Variants in TXNRD1 observed in about 807,000 individuals in gnomAD.
TXNRD1 encodes thioredoxin reductase 1, also known as thioredoxin reductase 1, cytoplasmic.
Under a neutral mutation model 80.3 loss-of-function variants are expected in TXNRD1, and 57 were observed. That is an observed-to-expected ratio of 0.71 (90% confidence interval 0.57 to 0.89). The LOEUF (loss-of-function observed/expected upper bound fraction) is 0.89, where lower values mean the gene tolerates loss of function less well. Among genes scored for constraint, TXNRD1 ranks in the 40% least tolerant of loss-of-function variants. The probability of loss-of-function intolerance (pLI) is 0.00; values close to 1 mark genes in which losing one functional copy is unlikely to be tolerated. For synonymous variants in TXNRD1, 291 were observed against 285.2 expected, an observed-to-expected ratio of 1.02 and a Z score of -0.20; for missense variants, 730 against 803.0, an observed-to-expected ratio of 0.91 and a Z score of 1.10.
chr12:104,297,452 G>A (rs778174836), intron 4 of TXNRD1, among the ~76,000 whole-genome samples: 5 of 151,652 alleles, frequency 3.3e-5, no homozygotes, highest in Non-Finnish European at 7.4e-5. Flanking sequence ...TGCAATCTCC[G>A]CCTCCTGAGT....
intron 5 of TXNRD1, 82 bp from the exon 6 acceptor site, chr12:104,313,159 TAAAA>T: frequency 9.3e-7 from 1 of 1,074,424 alleles, no homozygotes; most frequent in Non-Finnish European, 1.4e-6. Context: ...CTCTATAGCT[TAAAA>T]AAAAATCATG....
rs556291324 is a variant in TXNRD1 at position 104,308,779 on chromosome 12, T to C, written c.415-2511T>C. On this transcript the variant is annotated intron_variant, in intron 4 of 16. Coordinates refer to ENST00000525566, the MANE Select transcript of TXNRD1 (RefSeq NM_001093771.3). Reference sequence around the variant, plus strand: ...CATCTCTGTGCTACCTTCTACTGTTTGGGGCAGCTGTTTTCTACTGTCTGT... The same window carrying C: ...CATCTCTGTGCTACCTTCTACTGTTCGGGGCAGCTGTTTTCTACTGTCTGT... Among the ~76,000 whole-genome samples the C allele has an allele frequency of 1.3e-4, 20 of 152,310 alleles. No individual in the cohort carries two copies. The East Asian group carries it at 3.7e-3, about 28-fold the overall frequency.
At chr12:104,289,202 A>G in intron 4 of TXNRD1, 162 bp downstream of exon 4, 1 of 694,592 alleles carries the variant, frequency 1.4e-6, no homozygotes, top group South Asian at 2.8e-5. Flanking sequence ...GTGTTAATCG[A>G]AGTTGATGAG....
intron 10 of TXNRD1, among the ~76,000 whole-genome samples, chr12:104,323,299 G>A (rs1225465892): frequency 4.0e-5 from 6 of 149,108 alleles, no homozygotes; most frequent in Non-Finnish European, 6.0e-5. Context: ...ATCCTGGCCC[G>A]TTCTCAATGA....
chr12:104,312,973 A>G (rs2035191680), intron 5 of TXNRD1, among the ~76,000 whole-genome samples: 1 of 152,112 alleles, frequency 6.6e-6, no homozygotes. Flanking sequence ...GAGTGGAATT[A>G]TGTGAGAGAA....
intron 15 of TXNRD1, among the ~76,000 whole-genome samples, chr12:104,335,547 C>T (rs989452942): frequency 6.6e-6 from 1 of 152,108 alleles, no homozygotes; most frequent in Admixed American, 6.6e-5. Flanking sequence ...TGTGAGCAAA[C>T]TCTATACCTC....
chr12:104,261,062 C>G (rs2033357171), intron 3 of TXNRD1, among the ~76,000 whole-genome samples: 1 of 151,652 alleles, frequency 6.6e-6, no homozygotes, highest in African/African-American at 2.4e-5. Context: ...TGATTTAATA[C>G]ATGTATGAAC....
intron 4 of TXNRD1, among the ~76,000 whole-genome samples, chr12:104,299,220 C>CAGTA (rs958820156): frequency 6.6e-6 from 1 of 151,984 alleles, no homozygotes; most frequent in Non-Finnish European, 1.5e-5. Flanking sequence ...GGGTCAACTG[C>CAGTA]AGTAGTATTC....
intron 1 of TXNRD1, among the ~76,000 whole-genome samples, chr12:104,250,010 T>C (rs1266837453): frequency 1.3e-5 from 2 of 151,692 alleles, no homozygotes; most frequent in Non-Finnish European, 2.9e-5. Context: ...TAATAAACAT[T>C]TTGGGGATTT....
Position 104,290,753 on chromosome 12 carries a change from A to ATATATATATATATG in TXNRD1, c.414+1718_414+1719insATATATATGTATAT, listed in dbSNP as rs1315195074. On this transcript the variant is annotated intron_variant, in intron 4 of 16. Transcript: ENST00000525566. ...TATATATATATATATATATATATAT[A>ATATATATATATATG]TATATGTATATTTCTTCCTGTCTGA... is the stretch of plus-strand genomic sequence containing the variant. Among the ~76,000 whole-genome samples, 45 of 113,966 alleles carry ATATATATATATATG rather than the reference A, an allele frequency of 3.9e-4. 1 individual carries two copies. Among genetic ancestry groups the ATATATATATATATG allele is most frequent in the Non-Finnish European group, 6.4e-4 (35 of 54,676 alleles). The allele number at this position is 113,966 out of a possible 152,430, so 74.8% of individuals were successfully genotyped here.
chr12:104,270,940 G>A (rs1451008907), intron 3 of TXNRD1, among the ~76,000 whole-genome samples: 2 of 151,972 alleles, frequency 1.3e-5, no homozygotes, highest in East Asian at 1.9e-4. Flanking sequence ...CCTGAGGTCA[G>A]GAGTTTGAGA....
At position 104,215,840 on chromosome 12, in the gene TXNRD1, C is replaced by T; in HGVS notation, c.38C>T (p.Ala13Val). The part of the protein sequence containing the change: ...CAEGKAVAAA[A>V]PTELQTKGKN... ...GAGGGCAAGGCAGTGGCGGCGGCCGCCCCAACGGAGCTGCAGACGAAAGGC... is the reference window on the plus strand; with the variant it reads ...GAGGGCAAGGCAGTGGCGGCGGCCGTCCCAACGGAGCTGCAGACGAAAGGC... The change falls in exon 1 of 17, where the codon GCC becomes GTC. Residue 13 changes from alanine (A) to valine (V), a missense_variant. Ala to Val is a moderately conservative substitution (Grantham distance 64). Coordinates refer to ENST00000525566, the MANE Select transcript of TXNRD1 (RefSeq NM_001093771.3). The T allele has an allele frequency of 6.4e-7, 1 of 1,561,092 alleles. No individual in the cohort carries two copies. The highest frequency in any genetic ancestry group is 1.4e-5 in the African/African-American group (1 of 73,446).
At chr12:104,328,740 CAG>C (rs752100601) in intron 13 of TXNRD1, among the ~76,000 whole-genome samples, 2 of 115,490 alleles carry the variant, frequency 1.7e-5, no homozygotes, top group Non-Finnish European at 3.3e-5. Flanking sequence ...GCCTGGGTGA[CAG>C]AGTGAGACTC....
intron 1 of TXNRD1, among the ~76,000 whole-genome samples, chr12:104,250,711 G>C (rs187221758): frequency 2.6e-4 from 39 of 152,346 alleles, no homozygotes; most frequent in African/African-American, 8.2e-4. Flanking sequence ...ATGATAAGGA[G>C]ATTGAAGAAG....
At chr12:104,274,066 AC>A (rs1053850974) in intron 3 of TXNRD1, among the ~76,000 whole-genome samples, 3 of 152,122 alleles carry the variant, frequency 2.0e-5, no homozygotes, top group African/African-American at 7.2e-5. Context: ...ACAAAACAAA[AC>A]AAAACAAACA....
intron 4 of TXNRD1, among the ~76,000 whole-genome samples, chr12:104,307,250 T>G (rs1299540008): frequency 2.6e-5 from 4 of 152,220 alleles, no homozygotes; most frequent in African/African-American, 7.2e-5. Context: ...GCTAATACGT[T>G]TGTATACTGA....
chr12:104,239,499 G>T lies in TXNRD1; in HGVS notation c.92-12028G>T, dbSNP rs182496218. On this transcript the variant is annotated intron_variant, in intron 1 of 16. Coordinates refer to ENST00000525566, the MANE Select transcript of TXNRD1 (RefSeq NM_001093771.3). The stretch of plus-strand genomic sequence containing the variant: ...TGTGAGCCACTGCACCTGGCCAAGA[G>T]TTTTTATTGCTAATTCAATCTCTTG... Among the ~76,000 whole-genome samples, 48 of 152,162 alleles carry T rather than the reference G, an allele frequency of 3.2e-4. 1 individual carries two copies. The highest frequency in any genetic ancestry group is 2.9e-3 in the Admixed American group (44 of 15,280).
intron 4 of TXNRD1, among the ~76,000 whole-genome samples, chr12:104,299,501 G>A (rs534580826): frequency 1.1e-3 from 167 of 152,186 alleles, no homozygotes; most frequent in Non-Finnish European, 2.0e-3. Context: ...AGGCACAGTG[G>A]CTCACGCATG....
chr12:104,313,131 T>G (rs1414520257), intron 5 of TXNRD1, 114 bp from the exon 6 acceptor site: 1 of 714,700 alleles, frequency 1.4e-6, no homozygotes, highest in Non-Finnish European at 2.3e-6. Context: ...AGGTATTAAT[T>G]ATTCGTTATG....
Sources: allele counts gnomAD v4.1 joint callset (sites outside exome capture counted in the v4.1 genomes callset), GRCh38; gene constraint gnomAD v4.1.1; transcripts MANE v1.5; gene names NCBI Gene and HGNC (gene_info 2026-07-23, HGNC 2026-07-21).